CAMTA1: variants seen among roughly 807,000 people sequenced by gnomAD.
The protein encoded by CAMTA1 is calmodulin binding transcription activator 1.
CAMTA1 carries 27 observed loss-of-function variants against 170.9 expected under a neutral mutation model. The observed-to-expected ratio is 0.16, with a 90% CI of 0.12 to 0.22. The LOEUF (loss-of-function observed/expected upper bound fraction) is 0.22. Ranked by LOEUF, CAMTA1 falls within the 10% of genes least tolerant of loss-of-function variation. The pLI is 1.00. For missense variants in CAMTA1, 1,619 were observed against 2,217.2 expected (o/e 0.73, Z 5.42); for synonymous variants, 833 against 891.5 (o/e 0.93, Z 1.17).
intron 11 of CAMTA1, among the ~76,000 whole-genome samples, chr1:7,688,935 T>C (rs950179084): frequency 6.6e-6 from 1 of 152,142 alleles, no homozygotes; most frequent in African/African-American, 2.4e-5. Flanking sequence ...GTATGTGTCA[T>C]ATGGACCATA....
chr1:7,528,201 C>T (rs2094451449), intron 6 of CAMTA1, among the ~76,000 whole-genome samples: 2 of 152,046 alleles, frequency 1.3e-5, no homozygotes, highest in African/African-American at 4.8e-5. Flanking sequence ...TTTCTTTTTC[C>T]TTGTTGGTAA....
chr1:7,033,020 G>C (rs1703017164), intron 3 of CAMTA1, among the ~76,000 whole-genome samples: 1 of 152,150 alleles, frequency 6.6e-6, no homozygotes, highest in Non-Finnish European at 1.5e-5. Context: ...AGATGATTAT[G>C]ATGTGCCGTG....
intron 6 of CAMTA1, among the ~76,000 whole-genome samples, chr1:7,493,942 T>C (rs983802108): frequency 1.3e-5 from 2 of 152,014 alleles, no homozygotes; most frequent in Non-Finnish European, 2.9e-5. Flanking sequence ...CGTCTCTGCC[T>C]CCCAGGCTCA....
chr1:7,437,492 G>A (rs190951409), intron 5 of CAMTA1, among the ~76,000 whole-genome samples: 10 of 152,272 alleles, frequency 6.6e-5, no homozygotes, highest in African/African-American at 2.2e-4. Context: ...ACTCCCTGCC[G>A]TGTAAGGACA....
At chr1:7,691,860 A>G (rs2096317078) in intron 11 of CAMTA1, among the ~76,000 whole-genome samples, 1 of 152,144 alleles carries the variant, frequency 6.6e-6, no homozygotes, top group Non-Finnish European at 1.5e-5. Flanking sequence ...CTGAGTCCCA[A>G]GGCCAAGAAC....
chr1:7,628,160 G>A (rs1224055070), intron 6 of CAMTA1, among the ~76,000 whole-genome samples: 3 of 152,116 alleles, frequency 2.0e-5, no homozygotes, highest in African/African-American at 7.2e-5. Flanking sequence ...CCTGCTCCTC[G>A]CACCAGCTCC....
rs1034680821 is a variant in CAMTA1, at chr1:7,378,328, A to G, written c.439-89502A>G. Among the ~76,000 whole-genome samples, 9 of 152,348 alleles carry G rather than the reference A, an allele frequency of 5.9e-5. No homozygotes were observed. In the East Asian group the frequency reaches 1.4e-3, roughly 23 times the overall value. On this transcript the variant is annotated intron_variant, in intron 5 of 22. Transcript: ENST00000303635. The stretch of plus-strand genomic sequence containing the variant: ...AGAGAGAGAGGAAGCCGTGTTACAT[A>G]ATCAGAGTAGCCAAAAGCAAGAAGC...
intron 6 of CAMTA1, among the ~76,000 whole-genome samples, chr1:7,469,698 C>T (rs2093292912): frequency 6.6e-6 from 1 of 152,172 alleles, no homozygotes; most frequent in Non-Finnish European, 1.5e-5. Context: ...CTCCTGCACC[C>T]ACGCCTCCGC....
intron 5 of CAMTA1, among the ~76,000 whole-genome samples, chr1:7,447,227 G>A (rs543270501): frequency 4.6e-5 from 7 of 152,084 alleles, no homozygotes; most frequent in South Asian, 2.1e-4. Flanking sequence ...CGTGGTGCGC[G>A]TGGATGGTGT....
intron 7 of CAMTA1, among the ~76,000 whole-genome samples, chr1:7,649,402 TC>T (rs2095833009): frequency 6.6e-6 from 1 of 152,132 alleles, no homozygotes; most frequent in Non-Finnish European, 1.5e-5. Context: ...CTTTTACCCT[TC>T]CCTTTGGGAA....
At position 6,893,597 on chromosome 1, in the gene CAMTA1, G is replaced by A. The variant is rs530722832; in HGVS notation, c.234+68387G>A. ...AAATGGAGATTGTAGCTTCACATGC[G>A]CACTGAGGGGGTTGTGCGTTTTCAT... On this transcript the variant is annotated intron_variant, in intron 3 of 22. Coordinates refer to ENST00000303635, the MANE Select transcript of CAMTA1 (RefSeq NM_015215.4). Among the ~76,000 whole-genome samples the A allele has an allele frequency of 9.5e-4, 144 of 152,314 alleles. 3 individuals are homozygous for A. The highest frequency in any genetic ancestry group is 8.2e-3 in the Admixed American group (126 of 15,302).
rs1300179727 is a variant in CAMTA1, at chr1:7,064,925, A to G, written c.235-26379A>G. Among the ~76,000 whole-genome samples the G allele has an allele frequency of 6.6e-6, 1 of 152,132 alleles. No homozygotes were observed. The highest frequency in any genetic ancestry group is 1.5e-5 in the Non-Finnish European group (1 of 68,030). ...TGGGAGGGGAGAAGAAGAGAAGAGG[A>G]CAGCTTGGGGATGTCCCTCAGAGTT... On this transcript the variant is annotated intron_variant, in intron 3 of 22. Coordinates refer to ENST00000303635, the MANE Select transcript of CAMTA1 (RefSeq NM_015215.4). This position sits in a 1 kb window ranked among gnomAD's most constrained non-coding sequence, Gnocchi z 5.4.
intron 4 of CAMTA1, among the ~76,000 whole-genome samples, chr1:7,208,132 G>A (rs576876987): frequency 5.3e-5 from 8 of 152,344 alleles, no homozygotes; most frequent in Admixed American, 1.3e-4. Context: ...CCGGGCTTCC[G>A]TCAGGCAGTG....
In CAMTA1 at chr1:7,215,570, A is replaced by G. The variant is rs56189611; in HGVS notation, c.303-33921A>G. ...CACCACACCTGGCTAATTTTTGTAT[A>G]TTTAGTAGAGACGGGGTTTCACCAT... is the stretch of plus-strand genomic sequence containing the variant. On this transcript the variant is annotated intron_variant, in intron 4 of 22. Coordinates refer to ENST00000303635, the MANE Select transcript of CAMTA1 (RefSeq NM_015215.4). 3.5e-3 allele frequency among the ~76,000 whole-genome samples: 532 copies of G among 152,068 alleles called. 2 individuals carry two copies. Among genetic ancestry groups the G allele is most frequent in the African/African-American group, 0.012 (509 of 41,500 alleles).
chr1:7,745,458 G>A (rs1486784141), intron 17 of CAMTA1, among the ~76,000 whole-genome samples: 3 of 152,054 alleles, frequency 2.0e-5, no homozygotes, highest in Admixed American at 6.5e-5. Flanking sequence ...CCCAAGAGGC[G>A]GAGGTTACAA....
intron 3 of CAMTA1, among the ~76,000 whole-genome samples, chr1:6,905,872 C>A (rs1678353839): frequency 6.6e-6 from 1 of 152,168 alleles, no homozygotes; most frequent in Non-Finnish European, 1.5e-5. Context: ...TGCAGAGTTG[C>A]TGCCTGTGGA....
intron 7 of CAMTA1, among the ~76,000 whole-genome samples, chr1:7,656,904 T>C (rs1175013106): frequency 1.3e-5 from 2 of 152,250 alleles, no homozygotes; most frequent in Non-Finnish European, 2.9e-5. Flanking sequence ...GGTAAACATC[T>C]TGTACGAGGG....
rs2097041116 is a variant in CAMTA1 at position 7,769,146 on chromosome 1, TA to T, written c.*2656del. Reference sequence around the variant, plus strand: ...AAAGCCTACCAGTGTAACCTACCAGTACAACTGTGAATCCTAGGCGAGGCAA... The same window carrying T: ...AAAGCCTACCAGTGTAACCTACCAGTCAACTGTGAATCCTAGGCGAGGCAA... On this transcript the variant is annotated 3_prime_UTR_variant, in exon 23 of 23. Coordinates refer to ENST00000303635, the MANE Select transcript of CAMTA1 (RefSeq NM_015215.4). 6.5e-6 allele frequency: 1 copy of T among 152,788 alleles called. No homozygotes were observed. The highest frequency in any genetic ancestry group is 2.1e-4 in the South Asian group (1 of 4,838). The allele number at this position is 152,788 out of a possible 1,614,324, so 9.5% of individuals were successfully genotyped here. A position where few individuals can be genotyped will look rare whatever the true frequency, so the allele number is the denominator to read the frequency against.
rs537328678 is a variant in CAMTA1, at chr1:7,093,021, G to T, written c.302+1650G>T. 7.9e-5 allele frequency among the ~76,000 whole-genome samples: 12 copies of T among 152,248 alleles called. No homozygotes were observed. Among genetic ancestry groups the T allele is most frequent in the Non-Finnish European group, 7.3e-5 (5 of 68,038 alleles). ...TGGGAAGGACATCCCTCCACAGAGT[G>T]GGGGCAGGGGTGGGCGGTGGAGAGG... On this transcript the variant is annotated intron_variant, in intron 4 of 22. Transcript: ENST00000303635. This position sits in a 1 kb window ranked among gnomAD's most constrained non-coding sequence, Gnocchi z 4.6.
Sources: gnomAD v4.1 joint callset for allele counts (sites outside exome capture counted in the v4.1 genomes callset) on GRCh38, gnomAD v4.1.1 for gene constraint, Gnocchi (gnomAD v3.1) non-coding constraint, MANE v1.5 for transcripts, NCBI Gene and HGNC (gene_info 2026-07-23, HGNC 2026-07-21) for gene names.